SHC2: variants seen among roughly 807,000 people sequenced by gnomAD.
SHC2 encodes the protein SHC-transforming protein 2.
Under a neutral mutation model 60.6 loss-of-function variants are expected in SHC2, and 62 were observed. The ratio of observed to expected loss-of-function variants is 1.02; its 90% CI spans 0.83 to 1.26. SHC2 has a LOEUF of 1.26. Ranked by LOEUF, SHC2 falls within the 50% of genes most tolerant of loss-of-function variation. The probability of loss-of-function intolerance (pLI) is 0.00; values close to 1 mark genes in which losing one functional copy is unlikely to be tolerated. For missense variants in SHC2, 873 were observed against 822.2 expected (o/e 1.06, Z -0.76); for synonymous variants, 375 against 372.4 (o/e 1.01, Z -0.08).
Position 425,227 on chromosome 19 carries a change from T to C in SHC2, c.1179A>G (p.Pro393=). The change falls in exon 10 of 13, where the codon CCA becomes CCG. Residue 393 remains proline (P), a synonymous_variant. Coordinates refer to ENST00000264554, the MANE Select transcript of SHC2 (RefSeq NM_012435.3). This position sits in a 1 kb window ranked among gnomAD's most constrained non-coding sequence, Gnocchi z 4.1. The stretch of plus-strand genomic sequence containing the variant: ...CCGCCTGCACGTAGCCGTCCCCCGG[T>C]GGAGCTGGGGAGTGTAAAGAGGGGC... ...PWDVGSTGTA[P]PGDGYVQADA... The C allele has an allele frequency of 2.2e-6, 3 of 1,336,804 alleles. No homozygotes were observed. Among genetic ancestry groups the C allele is most frequent in the Non-Finnish European group, 2.9e-6 (3 of 1,034,186 alleles). 82.8% of individuals were successfully genotyped at this position (1,336,804 alleles called of 1,614,324 possible). A position where few individuals can be genotyped will look rare whatever the true frequency, so the allele number is the denominator to read the frequency against.
At chr19:435,931 G>T in intron 7 of SHC2, 1 of 506,650 alleles carries the variant, frequency 2.0e-6, no homozygotes, top group Non-Finnish European at 3.6e-6. Flanking sequence ...CAGGCACACC[G>T]GGGAGTCAGC....
chr19:430,302 C>G (rs952207667), intron 9 of SHC2, among the ~76,000 whole-genome samples: 6 of 151,896 alleles, frequency 4.0e-5, no homozygotes, highest in African/African-American at 1.5e-4. Context: ...GCACAGAAAC[C>G]TAATACCGTG....
At chr19:449,675 C>A (rs529575559) in intron 1 of SHC2, among the ~76,000 whole-genome samples, 11 of 152,020 alleles carry the variant, frequency 7.2e-5, no homozygotes, top group Admixed American at 6.6e-4. Flanking sequence ...GTAGGAGAAT[C>A]GCTTGAACCC....
intron 9 of SHC2, among the ~76,000 whole-genome samples, chr19:426,283 C>T (rs180731274): frequency 1.3e-5 from 2 of 152,346 alleles, no homozygotes; most frequent in African/African-American, 2.4e-5. Context: ...CACAGATTCT[C>T]TCAGCTTCTT....
rs1568279136 is a variant in SHC2, at chr19:418,915, CCA to C, written c.*5+6_*5+7del. On this transcript the variant is annotated splice_donor_region_variant and intron_variant, in intron 12 of 12. Coordinates refer to ENST00000264554, the MANE Select transcript of SHC2 (RefSeq NM_012435.3). ...CAAGGCCAGCGACCCACGGCGGCAGCCACACACCTGGCTCAGGGCTCCCGTGA... is the reference window on the plus strand; with the variant it reads ...CAAGGCCAGCGACCCACGGCGGCAGCCACACCTGGCTCAGGGCTCCCGTGA... 1.3e-6 allele frequency: 2 copies of C among 1,580,630 alleles called. No homozygotes were observed. The highest frequency in any genetic ancestry group is 1.1e-5 in the South Asian group (1 of 87,528).
chr19:435,999 A>G, intron 7 of SHC2, 166 bp downstream of exon 7: 1 of 725,862 alleles, frequency 1.4e-6, no homozygotes, highest in Non-Finnish European at 2.2e-6. Context: ...TCGGGTGTTA[A>G]CAGCCGAGGA....
At chr19:460,485 A>C in intron 1 of SHC2, 44 bp downstream of exon 1, 2 of 800,434 alleles carry the variant, frequency 2.5e-6, no homozygotes, top group Non-Finnish European at 1.4e-6. Context: ...GGGGGAGGGG[A>C]GGCCGCCGCG....
rs1180713766 is a variant in SHC2, at chr19:422,572, C to A, written c.1310-116G>T. ...AGTCCCTCGTGCACCCGTCGGCCTG[C>A]GCTGACCGAGCGCCCACAGCGTATC... On this transcript the variant is annotated intron_variant, in intron 10 of 12. Coordinates refer to ENST00000264554, the MANE Select transcript of SHC2 (RefSeq NM_012435.3). The surrounding 1 kb of genome is among the most constrained non-coding windows in gnomAD (Gnocchi z 5.0). 2 of 848,610 alleles carry A rather than the reference C, an allele frequency of 2.4e-6. No individual in the cohort carries two copies. Among genetic ancestry groups the A allele is most frequent in the African/African-American group, 1.7e-5 (1 of 58,150 alleles). The allele number at this position is 848,610 out of a possible 1,614,324, so 52.6% of individuals were successfully genotyped here.
rs373597490 is a variant in SHC2, at chr19:440,555, C to T, written c.539+307G>A. Among the ~76,000 whole-genome samples the T allele has an allele frequency of 5.9e-5, 9 of 152,328 alleles. No homozygotes were observed. The highest frequency in any genetic ancestry group is 5.8e-4 in the East Asian group (3 of 5,182). The stretch of plus-strand genomic sequence containing the variant: ...GGGACACGGAGACGCCACTGGGCCC[C>T]GGTCCCAGAGGGAACCCGCCAGGCC... On this transcript the variant is annotated intron_variant, in intron 2 of 12. Coordinates refer to ENST00000264554, the MANE Select transcript of SHC2 (RefSeq NM_012435.3). This position sits in a 1 kb window ranked among gnomAD's most constrained non-coding sequence, Gnocchi z 7.0.
chr19:448,044 G>C (rs1975090199), intron 1 of SHC2, among the ~76,000 whole-genome samples: 1 of 152,214 alleles, frequency 6.6e-6, no homozygotes, highest in African/African-American at 2.4e-5. Flanking sequence ...GAGGCCGCAG[G>C]CAGCGCTTGG....
At chr19:449,269 G>A (rs1049478428) in intron 1 of SHC2, among the ~76,000 whole-genome samples, 1 of 151,892 alleles carries the variant, frequency 6.6e-6, no homozygotes, top group African/African-American at 2.4e-5. Context: ...GAGGTGCAAG[G>A]ATCGCTTGAA....
chr19:432,043 A>T (rs78800789), intron 8 of SHC2, among the ~76,000 whole-genome samples: 2 of 1,050 alleles, frequency 1.9e-3, no homozygotes. Flanking sequence ...TGAGTGAGAG[A>T]TAGAGGAGGC....
At chr19:434,977 C>G in intron 7 of SHC2, 112 bp from the exon 8 acceptor site, 4 of 1,131,600 alleles carry the variant, frequency 3.5e-6, no homozygotes, top group Non-Finnish European at 4.9e-6. Flanking sequence ...TCCCAGCCCC[C>G]CACCTGTCAC....
At chr19:430,618 C>T (rs1974558478) in intron 9 of SHC2, 66 bp downstream of exon 9, 2 of 1,336,118 alleles carry the variant, frequency 1.5e-6, no homozygotes, top group Non-Finnish European at 2.1e-6. Flanking sequence ...GGGGAGCCAG[C>T]ACAGGACAGG....
intron 9 of SHC2, among the ~76,000 whole-genome samples, chr19:427,551 GGGAAGGGGAATTGCGCACGGCA>G (rs1974450723): frequency 1.4e-5 from 2 of 144,946 alleles, no homozygotes; most frequent in Non-Finnish European, 3.0e-5. Flanking sequence ...GCACGGCACA[GGGAAGGGGAATTGCGCACGGCA>G]CAGGGAAGGG....
chr19:442,913 G>A lies in SHC2; in HGVS notation c.469-1981C>T, dbSNP rs1028395164. Reference sequence around the variant, plus strand: ...TGGGTGGATGAATGGATGGATGGACGGGTGGGTGGATGGGTGGATGGATGG... The same window carrying A: ...TGGGTGGATGAATGGATGGATGGACAGGTGGGTGGATGGGTGGATGGATGG... On this transcript the variant is annotated intron_variant, in intron 1 of 12. Transcript: ENST00000264554. 4.8e-4 allele frequency among the ~76,000 whole-genome samples: 12 copies of A among 24,914 alleles called. No individual in the cohort carries two copies. The South Asian group carries it at 0.012, about 26-fold the overall frequency. The allele number at this position is 24,914 out of a possible 152,430, so 16.3% of individuals were successfully genotyped here.
chr19:427,480 A>G (rs901577551), intron 9 of SHC2, among the ~76,000 whole-genome samples: 2 of 147,158 alleles, frequency 1.4e-5, no homozygotes, highest in South Asian at 2.2e-4. Flanking sequence ...GGCACAGGGA[A>G]GGGGAATTGC....
In SHC2 at chr19:441,822, A is replaced by C. The variant is rs1239060676; in HGVS notation, c.469-890T>G. Among the ~76,000 whole-genome samples the C allele has an allele frequency of 1.3e-5, 2 of 152,250 alleles. No individual in the cohort carries two copies. Among genetic ancestry groups the C allele is most frequent in the African/African-American group, 4.8e-5 (2 of 41,464 alleles). ...CAAAATGATGAATAACGTTATGTGA[A>C]GTCCACCTCAGTTTCTTTAAATGAT... On this transcript the variant is annotated intron_variant, in intron 1 of 12. Coordinates refer to ENST00000264554, the MANE Select transcript of SHC2 (RefSeq NM_012435.3). This position sits in a 1 kb window ranked among gnomAD's most constrained non-coding sequence, Gnocchi z 4.9.
rs552544727 is a variant in SHC2 at position 460,642 on chromosome 19, C to A, written c.355G>T (p.Ala119Ser). The change falls in exon 1 of 13, where the codon GCC becomes TCC. Residue 119 changes from alanine (A) to serine (S), a missense_variant. Coordinates refer to ENST00000264554, the MANE Select transcript of SHC2 (RefSeq NM_012435.3). ...CGGATCCACTCGGCGGCGGCGGCGG[C>A]GTCCCCGGACCCCGCCGCCCCCCGC... ...GGRGAAGSGD[A>S]AAAAEWIRKG... The A allele has an allele frequency of 3.8e-3, 4,904 of 1,275,468 alleles. 152 individuals are homozygous for A. The African/African-American group carries it at 0.066, about 17-fold the overall frequency. 79.0% of individuals were successfully genotyped at this position (1,275,468 alleles called of 1,614,324 possible).
Sources: allele counts gnomAD v4.1 joint callset (sites outside exome capture counted in the v4.1 genomes callset), GRCh38; gene constraint gnomAD v4.1.1; non-coding constraint Gnocchi (gnomAD v3.1); transcripts MANE v1.5; gene names NCBI Gene and HGNC (gene_info 2026-07-23, HGNC 2026-07-21).